Variants in GALNT13 observed in about 807,000 individuals in gnomAD.
The protein encoded by GALNT13 is UDP-GalNAc:polypeptide N-acetylgalactosaminyltransferase 13.
A neutral mutation model predicts 64.2 loss-of-function variants in GALNT13; 28 were observed. That is an observed-to-expected ratio of 0.44 (90% CI 0.32 to 0.60). The LOEUF is 0.60. Among genes scored for constraint, GALNT13 ranks in the 20% least tolerant of loss-of-function variants. GALNT13 has a pLI of 0.05. For synonymous variants in GALNT13, 214 were observed against 224.6 expected, an observed-to-expected ratio of 0.95 and a Z score of 0.42; for missense variants, 577 against 669.8, an observed-to-expected ratio of 0.86 and a Z score of 1.53.
chr2:154,417,527 T>TTTTTTTTTTTG (rs1700074489), intron 11 of GALNT13, among the ~76,000 whole-genome samples: 1 of 151,242 alleles, frequency 6.6e-6, no homozygotes, highest in Admixed American at 6.6e-5. Flanking sequence ...ATTTATTTTT[T>TTTTTTTTTTTG]TGAGGCGGAG....
At chr2:153,756,221 A>G in the GALNT13 span, among the ~76,000 whole-genome samples, 1 of 152,276 alleles carries the variant, frequency 6.6e-6, no homozygotes, top group East Asian at 1.9e-4. Flanking sequence ...ATACTATACT[A>G]TGATCAATTT....
chr2:153,310,675 C>A, the GALNT13 span, among the ~76,000 whole-genome samples: 1,144 of 152,174 alleles, frequency 7.5e-3, 18 homozygotes, highest in African/African-American at 0.026. Flanking sequence ...ATCAATAAGG[C>A]TTCTAGTCAA....
intron 3 of GALNT13, among the ~76,000 whole-genome samples, chr2:153,972,121 T>A (rs1403661375): frequency 6.6e-6 from 1 of 151,876 alleles, no homozygotes; most frequent in Non-Finnish European, 1.5e-5. Flanking sequence ...CTGGAGGGAG[T>A]GCAGCCCTGC....
the GALNT13 span, among the ~76,000 whole-genome samples, chr2:153,856,194 T>C: frequency 6.6e-6 from 1 of 152,172 alleles, no homozygotes; most frequent in African/African-American, 2.4e-5. Flanking sequence ...TATTTTGCTA[T>C]ACAGTTTAAA....
At chr2:153,994,769 G>GT (rs139823481) in intron 3 of GALNT13, among the ~76,000 whole-genome samples, 6 of 151,746 alleles carry the variant, frequency 4.0e-5, no homozygotes, top group Non-Finnish European at 7.4e-5. Flanking sequence ...GGGTTGTTTT[G>GT]TTTTTTTCTT....
At chr2:154,394,239 A>T (rs1299171586) in intron 9 of GALNT13, among the ~76,000 whole-genome samples, 1 of 152,118 alleles carries the variant, frequency 6.6e-6, no homozygotes, top group East Asian at 1.9e-4. Flanking sequence ...TCCATTTTTT[A>T]ATGACCCAAG....
At chr2:154,270,055 T>C (rs115609878) in intron 8 of GALNT13, among the ~76,000 whole-genome samples, 2,878 of 151,258 alleles carry the variant, frequency 0.019, 67 homozygotes, top group African/African-American at 0.058. Context: ...TAACTGGCTT[T>C]GTATGCTCCT....
chr2:153,889,137 T>G (rs1687378905), intron 1 of GALNT13, among the ~76,000 whole-genome samples: 1 of 151,958 alleles, frequency 6.6e-6, no homozygotes, highest in Admixed American at 6.6e-5. Flanking sequence ...TTCCTGGCAG[T>G]TTTTAAGTGT....
the GALNT13 span, among the ~76,000 whole-genome samples, chr2:153,423,737 A>G: frequency 1.3e-5 from 2 of 151,878 alleles, no homozygotes; most frequent in Non-Finnish European, 3.0e-5. Flanking sequence ...GACTTTAATG[A>G]GAAAGTCATA....
the GALNT13 span, among the ~76,000 whole-genome samples, chr2:153,222,788 C>A: frequency 6.6e-6 from 1 of 152,204 alleles, no homozygotes; most frequent in Non-Finnish European, 1.5e-5. Flanking sequence ...CACAACTTTG[C>A]TCTGCCTGAA....
the GALNT13 span, among the ~76,000 whole-genome samples, chr2:153,191,759 G>A: frequency 3.3e-5 from 5 of 150,748 alleles, no homozygotes; most frequent in Non-Finnish European, 7.4e-5. Flanking sequence ...TGGTTGTTCC[G>A]GTTTTCTGTT....
intron 8 of GALNT13, among the ~76,000 whole-genome samples, chr2:154,298,558 T>TAC (rs1693110116): frequency 4.0e-5 from 3 of 74,270 alleles, no homozygotes; most frequent in Non-Finnish European, 8.4e-5. Context: ...AAATTGTATA[T>TAC]ATAATTTATA....
At chr2:153,792,708 A>T in the GALNT13 span, among the ~76,000 whole-genome samples, 1 of 152,136 alleles carries the variant, frequency 6.6e-6, no homozygotes, top group East Asian at 1.9e-4. Flanking sequence ...ACTATTGGTC[A>T]TGAAGGTGAT....
the GALNT13 span, among the ~76,000 whole-genome samples, chr2:153,372,868 C>A: frequency 6.6e-6 from 1 of 152,054 alleles, no homozygotes; most frequent in Non-Finnish European, 1.5e-5. Flanking sequence ...ACTATCTTTT[C>A]TTTTTTATGT....
the GALNT13 span, among the ~76,000 whole-genome samples, chr2:153,640,766 A>C: frequency 6.0e-3 from 918 of 152,246 alleles, 7 homozygotes; most frequent in African/African-American, 0.021. Flanking sequence ...TAGGTGAAAG[A>C]GTGAGACTGT....
intron 9 of GALNT13, among the ~76,000 whole-genome samples, chr2:154,340,019 A>T (rs1057418709): frequency 1.3e-5 from 2 of 152,168 alleles, no homozygotes; most frequent in Non-Finnish European, 2.9e-5. Flanking sequence ...ATTTTTAAAA[A>T]TGTCTATTCT....
chr2:153,227,543 G>A, the GALNT13 span, among the ~76,000 whole-genome samples: 33 of 152,290 alleles, frequency 2.2e-4, no homozygotes, highest in South Asian at 6.6e-3. Flanking sequence ...GTGAGAGTTG[G>A]CGTGGTTTAA....
At chr2:153,721,315 T>C in the GALNT13 span, among the ~76,000 whole-genome samples, 2 of 143,542 alleles carry the variant, frequency 1.4e-5, no homozygotes, top group Non-Finnish European at 3.0e-5. Flanking sequence ...AAGGAAGCGC[T>C]AAACATGGAA....
At position 154,007,196 on chromosome 2, in the gene GALNT13, G is replaced by T. The variant is rs1696313203; in HGVS notation, c.142+62557G>T. On this transcript the variant is annotated intron_variant, in intron 3 of 12. Coordinates refer to ENST00000392825, the MANE Select transcript of GALNT13 (RefSeq NM_052917.4). The stretch of plus-strand genomic sequence containing the variant: ...GCCCTGTGGCGAGGCACTGTGAGTG[G>T]CCTTTAGACTTTGTGAGCAGCTGTC... Among the ~76,000 whole-genome samples the T allele has an allele frequency of 2.0e-5, 3 of 152,198 alleles. No homozygotes were observed. The South Asian group carries it at 6.2e-4, about 31-fold the overall frequency.
Sources: allele counts gnomAD v4.1 joint callset (sites outside exome capture counted in the v4.1 genomes callset), GRCh38; gene constraint gnomAD v4.1.1; transcripts MANE v1.5; gene names NCBI Gene and HGNC (gene_info 2026-07-23, HGNC 2026-07-21).